Variants in RALYL observed in about 807,000 individuals in gnomAD.
RALYL encodes RNA-binding Raly-like protein.
Under a neutral mutation model 35.1 loss-of-function variants are expected in RALYL, and 29 were observed. That is an observed-to-expected ratio of 0.83 (90% CI 0.61 to 1.13). RALYL has a LOEUF of 1.13. Among genes scored for constraint, RALYL ranks in the 50% most tolerant of loss-of-function variants. The pLI is 0.00. For missense variants in RALYL, 359 were observed against 360.4 expected (o/e 1.00, Z 0.03); for synonymous variants, 120 against 127.6 (o/e 0.94, Z 0.40).
At chr8:84,248,264 G>A (rs551077709) in intron 1 of RALYL, among the ~76,000 whole-genome samples, 1 of 152,052 alleles carries the variant, frequency 6.6e-6, no homozygotes, top group African/African-American at 2.4e-5. Context: ...TAGGCTTACA[G>A]CCTGAACAAC....
At chr8:84,577,360 G>A (rs1276633365) in intron 2 of RALYL, among the ~76,000 whole-genome samples, 2 of 152,230 alleles carry the variant, frequency 1.3e-5, no homozygotes, top group Admixed American at 1.3e-4. Context: ...GGCAGGTAGA[G>A]TGAAGTCTGG....
intron 1 of RALYL, among the ~76,000 whole-genome samples, chr8:84,442,502 C>T (rs2048435916): frequency 6.6e-6 from 1 of 152,026 alleles, no homozygotes; most frequent in Admixed American, 6.6e-5. Flanking sequence ...TGTGAAGACA[C>T]AAAACCAAAT....
At chr8:84,904,966 T>C (rs978687673) in intron 8 of RALYL, among the ~76,000 whole-genome samples, 1 of 152,154 alleles carries the variant, frequency 6.6e-6, no homozygotes, top group South Asian at 2.1e-4. Flanking sequence ...TAACATGAGA[T>C]CTACCATCTT....
intron 1 of RALYL, among the ~76,000 whole-genome samples, chr8:84,486,682 C>T (rs905368022): frequency 2.6e-5 from 4 of 151,942 alleles, no homozygotes; most frequent in Non-Finnish European, 5.9e-5. Context: ...TCCCACTTCA[C>T]AATAAATTCC....
chr8:84,248,588 T>G (rs1829585972), intron 1 of RALYL, among the ~76,000 whole-genome samples: 1 of 152,100 alleles, frequency 6.6e-6, no homozygotes, highest in African/African-American at 2.4e-5. Flanking sequence ...CCACCAAAAC[T>G]TTCTCTCCTG....
At chr8:84,249,061 G>T (rs770135519) in intron 1 of RALYL, among the ~76,000 whole-genome samples, 1 of 151,946 alleles carries the variant, frequency 6.6e-6, no homozygotes, top group Non-Finnish European at 1.5e-5. Context: ...TATGATAAAA[G>T]GGTCAATATT....
chr8:84,640,115 TA>T (rs1359297674), intron 2 of RALYL, among the ~76,000 whole-genome samples: 9 of 151,942 alleles, frequency 5.9e-5, no homozygotes, highest in African/African-American at 2.2e-4. Flanking sequence ...TCAAAGATGT[TA>T]AAAGGCTCAA....
At chr8:84,267,903 C>T (rs1408785113) in intron 1 of RALYL, among the ~76,000 whole-genome samples, 1 of 152,136 alleles carries the variant, frequency 6.6e-6, no homozygotes, top group Non-Finnish European at 1.5e-5. Context: ...ATTCCAAGAA[C>T]TTTGACTATG....
At chr8:84,621,288 T>C (rs185748225) in intron 2 of RALYL, among the ~76,000 whole-genome samples, 4 of 152,290 alleles carry the variant, frequency 2.6e-5, no homozygotes, top group Admixed American at 2.6e-4. Context: ...GTGCAGGATA[T>C]AATCTCGTGG....
At chr8:84,227,170 C>T (rs1007371512) in intron 1 of RALYL, among the ~76,000 whole-genome samples, 2 of 137,554 alleles carry the variant, frequency 1.5e-5, no homozygotes, top group Non-Finnish European at 3.0e-5. Context: ...AAACGATTTT[C>T]CTGCCTCAGC....
At chr8:84,312,050 G>A (rs1293150456) in intron 1 of RALYL, among the ~76,000 whole-genome samples, 2 of 152,160 alleles carry the variant, frequency 1.3e-5, no homozygotes, top group Non-Finnish European at 2.9e-5. Context: ...ATGGCTGGGG[G>A]AGGCCTCAGG....
intron 2 of RALYL, among the ~76,000 whole-genome samples, chr8:84,684,739 C>A (rs1299178643): frequency 2.0e-5 from 3 of 152,138 alleles, no homozygotes; most frequent in African/African-American, 7.2e-5. Context: ...AGAAATCAAT[C>A]AAGACTTTGA....
intron 3 of RALYL, among the ~76,000 whole-genome samples, chr8:84,801,506 A>G (rs1359118387): frequency 1.3e-5 from 2 of 152,106 alleles, no homozygotes; most frequent in Non-Finnish European, 2.9e-5. Context: ...TGTCATAGTG[A>G]TGGTGATGAT....
chr8:84,232,012 A>G lies in RALYL; in HGVS notation c.-24+47588A>G, dbSNP rs186641924. On this transcript the variant is annotated intron_variant, in intron 1 of 8. Coordinates refer to ENST00000521268, the MANE Select transcript of RALYL (RefSeq NM_173848.7). The stretch of plus-strand genomic sequence containing the variant: ...CATCATGGAAAAGGCAGATTATTCC[A>G]AAAAAAGGCTTTAATAAAGCCAGCT... Among the ~76,000 whole-genome samples, 956 of 152,208 alleles carry G rather than the reference A, an allele frequency of 6.3e-3. 5 individuals are homozygous for G. The highest frequency in any genetic ancestry group is 9.3e-3 in the Non-Finnish European group (629 of 67,966).
At chr8:84,830,907 C>T (rs1424270357) in intron 4 of RALYL, among the ~76,000 whole-genome samples, 2 of 151,994 alleles carry the variant, frequency 1.3e-5, no homozygotes, top group Non-Finnish European at 2.9e-5. Flanking sequence ...TATCAGTTAA[C>T]TCTTTAAGAC....
intron 2 of RALYL, among the ~76,000 whole-genome samples, chr8:84,758,465 C>A (rs1416279208): frequency 6.6e-6 from 1 of 152,084 alleles, no homozygotes; most frequent in African/African-American, 2.4e-5. Context: ...AGTAGTTTAC[C>A]TGAAAGGTTT....
intron 2 of RALYL, among the ~76,000 whole-genome samples, chr8:84,535,840 C>G (rs1034124817): frequency 6.6e-6 from 1 of 152,004 alleles, no homozygotes; most frequent in Admixed American, 6.6e-5. Context: ...CAAAAATTGT[C>G]TCCATGTTAC....
At chr8:84,185,097 T>C (rs1812165004) in intron 1 of RALYL, 1 of 1,460,208 alleles carries the variant, frequency 6.8e-7, no homozygotes, top group Non-Finnish European at 9.6e-7. Flanking sequence ...TTTTTCCCTG[T>C]TGTGTTGCGT....
chr8:84,686,395 A>ATTGTTTGT lies in RALYL; in HGVS notation c.257-88165_257-88158dup, dbSNP rs60501106. Among the ~76,000 whole-genome samples, 1,177 of 150,146 alleles carry ATTGTTTGT rather than the reference A, an allele frequency of 7.8e-3. 17 individuals are homozygous for ATTGTTTGT. Among genetic ancestry groups the ATTGTTTGT allele is most frequent in the African/African-American group, 0.027 (1,067 of 40,192 alleles). On this transcript the variant is annotated intron_variant, in intron 2 of 8. Coordinates refer to ENST00000521268, the MANE Select transcript of RALYL (RefSeq NM_173848.7). ...TTATTTAGCTATATTAATACATCAT[A>ATTGTTTGT]TTGTTTGTTTGTTTGTTTGTTTGTT...
Sources: gnomAD v4.1 joint callset for allele counts (sites outside exome capture counted in the v4.1 genomes callset) on GRCh38, gnomAD v4.1.1 for gene constraint, MANE v1.5 for transcripts, NCBI Gene and HGNC (gene_info 2026-07-23, HGNC 2026-07-21) for gene names.